The following INPP4B variants were observed in gnomAD, a reference collection of about 807,000 sequenced individuals.
INPP4B encodes inositol polyphosphate 4-phosphatase type II.
Under a neutral mutation model 122.5 loss-of-function variants are expected in INPP4B, and 55 were observed. The observed-to-expected ratio is 0.45, with a 90% confidence interval of 0.36 to 0.56. The LOEUF is 0.56. INPP4B is among the 20% of genes least tolerant of loss of function. The probability of loss-of-function intolerance (pLI) is 0.00; values close to 1 mark genes in which losing one functional copy is unlikely to be tolerated. For missense variants in INPP4B, 1,000 were observed against 1,097.7 expected, an observed-to-expected ratio of 0.91 and a Z score of 1.26; for synonymous variants, 403 against 388.7, an observed-to-expected ratio of 1.04 and a Z score of -0.43.
At chr4:142,266,732 G>C (rs982236626) in intron 10 of INPP4B, among the ~76,000 whole-genome samples, 1 of 151,716 alleles carries the variant, frequency 6.6e-6, no homozygotes, top group South Asian at 2.1e-4. Context: ...ACAAGAAAAA[G>C]AAATAAAAGA....
At chr4:142,780,070 A>T (rs532148362) in intron 1 of INPP4B, among the ~76,000 whole-genome samples, 36 of 152,304 alleles carry the variant, frequency 2.4e-4, no homozygotes, top group Admixed American at 2.2e-3. Flanking sequence ...CATTACTTTT[A>T]TATTCACAGC....
chr4:142,627,995 C>T (rs557326701), intron 2 of INPP4B, among the ~76,000 whole-genome samples: 31 of 152,102 alleles, frequency 2.0e-4, no homozygotes, highest in South Asian at 1.5e-3. Context: ...GTGTATGTGT[C>T]GAGGAATTTA....
chr4:142,332,759 C>G (rs1166489532), intron 7 of INPP4B, among the ~76,000 whole-genome samples: 1 of 151,048 alleles, frequency 6.6e-6, no homozygotes, highest in Non-Finnish European at 1.5e-5. Flanking sequence ...AATCCCAGCA[C>G]TTTGGGAGGC....
chr4:142,719,110 A>G (rs1042889994), intron 2 of INPP4B, among the ~76,000 whole-genome samples: 27 of 152,186 alleles, frequency 1.8e-4, no homozygotes, highest in African/African-American at 6.5e-4. Context: ...AGAAATGGGA[A>G]CAACTCTTCC....
At chr4:142,104,517 G>A (rs1434529673) in intron 23 of INPP4B, among the ~76,000 whole-genome samples, 1 of 152,136 alleles carries the variant, frequency 6.6e-6, no homozygotes, top group Non-Finnish European at 1.5e-5. Context: ...GGCCTGAGGG[G>A]AAGTAACTTC....
chr4:142,545,763 A>ATG (rs1365035358), intron 2 of INPP4B, among the ~76,000 whole-genome samples: 4 of 144,768 alleles, frequency 2.8e-5, no homozygotes, highest in African/African-American at 5.2e-5. Context: ...ACACATGTAT[A>ATG]TGTGTGTATA....
chr4:142,212,717 A>AC (rs1490443313), intron 12 of INPP4B, among the ~76,000 whole-genome samples: 1 of 152,010 alleles, frequency 6.6e-6, no homozygotes, highest in African/African-American at 2.4e-5. Flanking sequence ...TGCTCCCCTG[A>AC]CTCCACCACA....
At chr4:142,121,140 C>T (rs78364294) in intron 21 of INPP4B, among the ~76,000 whole-genome samples, 3,263 of 152,004 alleles carry the variant, frequency 0.021, 118 homozygotes, top group African/African-American at 0.075. Flanking sequence ...TTCAGGTGTG[C>T]GTATGAGCAA....
chr4:142,248,163 C>T (rs77790078), intron 11 of INPP4B, among the ~76,000 whole-genome samples: 4,108 of 152,152 alleles, frequency 0.027, 81 homozygotes, highest in Non-Finnish European at 0.043. Context: ...ATCAGGTTAG[C>T]TCTGTGCATT....
chr4:142,327,443 GAA>G (rs542721361), intron 7 of INPP4B, among the ~76,000 whole-genome samples: 13 of 142,842 alleles, frequency 9.1e-5, no homozygotes, highest in African/African-American at 2.5e-4. Flanking sequence ...TACATGAATC[GAA>G]AAAAAAAAAA....
At chr4:142,187,442 G>A (rs1053893638) in intron 15 of INPP4B, among the ~76,000 whole-genome samples, 4 of 151,906 alleles carry the variant, frequency 2.6e-5, no homozygotes. Flanking sequence ...GACTTCCAAC[G>A]AAACACAAAG....
At chr4:142,824,212 G>T (rs552809859) in intron 1 of INPP4B, among the ~76,000 whole-genome samples, 72 of 151,998 alleles carry the variant, frequency 4.7e-4, no homozygotes, top group Non-Finnish European at 5.0e-4. Context: ...GCAGATTGTG[G>T]AACTTCTTGG....
rs111478222 is a variant in INPP4B, at chr4:142,222,691, G to A, written c.837-13665C>T. Among the ~76,000 whole-genome samples, 332 of 152,246 alleles carry A rather than the reference G, an allele frequency of 2.2e-3. 1 individual carries two copies. Among genetic ancestry groups the A allele is most frequent in the African/African-American group, 7.4e-3 (306 of 41,566 alleles). Reference sequence around the variant, plus strand: ...TAATCTGAAGCCTGAGTATTATTCCGAAATCAGTGTCTCAGCTCCAAACAC... The same window carrying A: ...TAATCTGAAGCCTGAGTATTATTCCAAAATCAGTGTCTCAGCTCCAAACAC... On this transcript the variant is annotated intron_variant, in intron 12 of 25. Transcript: ENST00000262992.
intron 7 of INPP4B, among the ~76,000 whole-genome samples, chr4:142,363,546 G>T (rs888894464): frequency 2.0e-5 from 3 of 151,736 alleles, no homozygotes; most frequent in Admixed American, 1.3e-4. Context: ...ATGTTATTTT[G>T]CTGCACATTT....
intron 25 of INPP4B, among the ~76,000 whole-genome samples, chr4:142,065,948 G>C (rs1241264315): frequency 6.6e-6 from 1 of 152,172 alleles, no homozygotes; most frequent in East Asian, 1.9e-4. Context: ...CATGTGTTCA[G>C]CTATCTGGAA....
intron 2 of INPP4B, among the ~76,000 whole-genome samples, chr4:142,561,701 G>T (rs752957224): frequency 3.9e-5 from 6 of 152,306 alleles, no homozygotes; most frequent in Non-Finnish European, 7.3e-5. Flanking sequence ...TTACAGGCGT[G>T]AGCCACCACG....
chr4:142,556,216 A>G (rs1729134435), intron 2 of INPP4B, among the ~76,000 whole-genome samples: 1 of 152,190 alleles, frequency 6.6e-6, no homozygotes, highest in Non-Finnish European at 1.5e-5. Flanking sequence ...AGCATGAGTC[A>G]CATGAGTCTC....
At chr4:142,687,294 TG>T (rs1759484219) in intron 2 of INPP4B, among the ~76,000 whole-genome samples, 1 of 152,026 alleles carries the variant, frequency 6.6e-6, no homozygotes, top group South Asian at 2.1e-4. Context: ...ATTCCAAAAG[TG>T]CTTCAGAGCG....
Position 142,590,072 on chromosome 4 carries a change from G to C in INPP4B, c.-190-127346C>G, listed in dbSNP as rs533226967. Among the ~76,000 whole-genome samples, 117 of 152,026 alleles carry C rather than the reference G, an allele frequency of 7.7e-4. 1 individual carries two copies. The highest frequency in any genetic ancestry group is 1.6e-3 in the Non-Finnish European group (106 of 67,990). Reference sequence around the variant, plus strand: ...CAAAAAAGACAAAACAATAAATATAGCAAAATGATCATTAGTCGCCAGGAA... The same window carrying C: ...CAAAAAAGACAAAACAATAAATATACCAAAATGATCATTAGTCGCCAGGAA... On this transcript the variant is annotated intron_variant, in intron 2 of 25. Coordinates refer to ENST00000262992, the MANE Select transcript of INPP4B (RefSeq NM_001101669.3).
Sources: gnomAD v4.1 joint callset for allele counts (sites outside exome capture counted in the v4.1 genomes callset) on GRCh38, gnomAD v4.1.1 for gene constraint, MANE v1.5 for transcripts, NCBI Gene and HGNC (gene_info 2026-07-23, HGNC 2026-07-21) for gene names.